Variants in PABPC4L observed in about 807,000 individuals in gnomAD.
PABPC4L encodes polyadenylate-binding protein 4-like.
For missense variants in PABPC4L, 452 were observed against 451.4 expected, an observed-to-expected ratio of 1.00 and a Z score of -0.01; for synonymous variants, 169 against 164.1, an observed-to-expected ratio of 1.03 and a Z score of -0.23.
the PABPC4L span, among the ~76,000 whole-genome samples, chr4:134,156,985 T>C: frequency 6.6e-6 from 1 of 151,922 alleles, no homozygotes; most frequent in Non-Finnish European, 1.5e-5. Context: ...GTTGTTGGTT[T>C]TAAAATAACT....
chr4:134,090,985 A>G, the PABPC4L span, among the ~76,000 whole-genome samples: 1 of 151,700 alleles, frequency 6.6e-6, no homozygotes, highest in African/African-American at 2.4e-5. Context: ...TTACATGCTT[A>G]TTTTCTCATT....
the PABPC4L span, among the ~76,000 whole-genome samples, chr4:134,100,813 T>C: frequency 2.0e-5 from 3 of 151,558 alleles, no homozygotes; most frequent in Admixed American, 6.6e-5. Context: ...TTTGCAATTT[T>C]AGAAAAAGAC....
chr4:133,949,532 G>T, the PABPC4L span, among the ~76,000 whole-genome samples: 1 of 152,054 alleles, frequency 6.6e-6, no homozygotes, highest in African/African-American at 2.4e-5. Flanking sequence ...TTAACTTTAA[G>T]GGTTCCTTAA....
chr4:133,988,872 C>T, the PABPC4L span, among the ~76,000 whole-genome samples: 1 of 152,284 alleles, frequency 6.6e-6, no homozygotes, highest in East Asian at 1.9e-4. Flanking sequence ...CATTTCCATA[C>T]ATCTTCTGAA....
chr4:134,035,673 TA>T, the PABPC4L span, among the ~76,000 whole-genome samples: 2 of 151,956 alleles, frequency 1.3e-5, no homozygotes, highest in Admixed American at 6.6e-5. Context: ...CTATTAGTCA[TA>T]AAAAGTATCA....
chr4:134,122,446 T>C, the PABPC4L span, among the ~76,000 whole-genome samples: 2 of 151,908 alleles, frequency 1.3e-5, no homozygotes, highest in East Asian at 1.9e-4. Flanking sequence ...TTGTATTGTG[T>C]TTAACAATAA....
downstream of PABPC4L, among the ~76,000 whole-genome samples, chr4:134,193,260 T>C (rs1163487341): frequency 1.3e-5 from 2 of 151,982 alleles, no homozygotes; most frequent in Non-Finnish European, 2.9e-5. Flanking sequence ...TTTTTTATTA[T>C]GCAACAGAGC....
chr4:133,973,311 T>C, the PABPC4L span, among the ~76,000 whole-genome samples: 4 of 151,480 alleles, frequency 2.6e-5, no homozygotes, highest in African/African-American at 7.3e-5. Context: ...GAACACTTCC[T>C]GAATGGCAAA....
chr4:134,123,401 A>T, the PABPC4L span, among the ~76,000 whole-genome samples: 1 of 152,058 alleles, frequency 6.6e-6, no homozygotes, highest in Non-Finnish European at 1.5e-5. Flanking sequence ...ATAGCCTGAG[A>T]GGTGAAACAA....
the PABPC4L span, among the ~76,000 whole-genome samples, chr4:134,041,031 C>T: frequency 2.8e-4 from 43 of 152,208 alleles, no homozygotes; most frequent in Admixed American, 9.8e-4. Flanking sequence ...GAGATACCAT[C>T]TCATGTCAGT....
At chr4:133,949,593 T>C in the PABPC4L span, among the ~76,000 whole-genome samples, 1 of 152,164 alleles carries the variant, frequency 6.6e-6, no homozygotes, top group African/African-American at 2.4e-5. Flanking sequence ...TAGGATTTCT[T>C]TTACCAGTTT....
chr4:134,191,704 C>T (rs1446960967), downstream of PABPC4L, among the ~76,000 whole-genome samples: 2 of 151,916 alleles, frequency 1.3e-5, no homozygotes, highest in Non-Finnish European at 2.9e-5. Context: ...ACACAACACA[C>T]CAACATATTG....
chr4:134,082,934 G>A, the PABPC4L span, among the ~76,000 whole-genome samples: 279 of 152,194 alleles, frequency 1.8e-3, no homozygotes, highest in African/African-American at 6.5e-3. Flanking sequence ...ATCTAACTTC[G>A]GAAATAACTT....
chr4:134,138,666 A>AT, the PABPC4L span, among the ~76,000 whole-genome samples: 3,409 of 151,520 alleles, frequency 0.022, 126 homozygotes, highest in African/African-American at 0.078. Flanking sequence ...TCTAATTTTA[A>AT]TTTTTTTTGA....
chr4:134,141,701 T>C, the PABPC4L span, among the ~76,000 whole-genome samples: 30 of 151,744 alleles, frequency 2.0e-4, no homozygotes, highest in African/African-American at 7.2e-4. Context: ...TAATTTTCAC[T>C]TTTATCTTTT....
chr4:134,041,011 A>T, the PABPC4L span, among the ~76,000 whole-genome samples: 136 of 152,314 alleles, frequency 8.9e-4, no homozygotes, highest in African/African-American at 3.1e-3. Flanking sequence ...ATGTAAATCA[A>T]AATCACAATG....
chr4:134,200,475 A>T lies in PABPC4L; in HGVS notation c.545T>A (p.Leu182His). 6.4e-7 allele frequency: 1 copy of T among 1,551,660 alleles called. No homozygotes were observed. The highest frequency in any genetic ancestry group is 1.2e-5 in the South Asian group (1 of 84,070). ...GGTGAATTCACTGGCTTTGCTTCTG[A>T]GTTCAGCTTCACGATCTTTTCGGTT... ...FKNRKDREAELRSKASEFTNV... is the reference protein window; with the variant it reads ...FKNRKDREAEHRSKASEFTNV... The change falls in exon 2 of 2, where the codon CTC becomes CAC. Residue 182 changes from leucine (L) to histidine (H), a missense_variant. By Grantham distance (99) the Leu-to-His change is moderately conservative. Coordinates refer to ENST00000421491, the MANE Select transcript of PABPC4L (RefSeq NM_001114734.2).
the PABPC4L span, among the ~76,000 whole-genome samples, chr4:134,049,644 G>T: frequency 6.6e-6 from 1 of 152,112 alleles, no homozygotes; most frequent in African/African-American, 2.4e-5. Context: ...TGACTACTCT[G>T]CAGTGCTATT....
the PABPC4L span, among the ~76,000 whole-genome samples, chr4:134,044,520 T>A: frequency 2.0e-5 from 3 of 152,140 alleles, no homozygotes; most frequent in East Asian, 5.8e-4. Context: ...CGCCTCAGCC[T>A]CCCAAAGTGC....
Sources: allele counts gnomAD v4.1 joint callset (sites outside exome capture counted in the v4.1 genomes callset), GRCh38; gene constraint gnomAD v4.1.1; transcripts MANE v1.5; gene names NCBI Gene and HGNC (gene_info 2026-07-23, HGNC 2026-07-21).